PLET1: variants seen among roughly 807,000 people sequenced by gnomAD.
PLET1 encodes the protein placenta expressed transcript 1.
In PLET1, 20 loss-of-function variants were observed where a neutral mutation model predicts 18.5. The ratio of observed to expected loss-of-function variants is 1.08; its 90% confidence interval spans 0.76 to 1.57. PLET1 has a LOEUF of 1.57. Ranked by LOEUF, PLET1 falls within the 40% of genes most tolerant of loss-of-function variation. PLET1 has a pLI of 0.00. For missense variants in PLET1, 256 were observed against 246.4 expected (o/e 1.04, Z -0.26); for synonymous variants, 93 against 93.8 (o/e 0.99, Z 0.05).
chr11:112,255,125 GGT>G (rs1312083876), intron 2 of PLET1, among the ~76,000 whole-genome samples: 4 of 132,368 alleles, frequency 3.0e-5, no homozygotes, highest in East Asian at 2.3e-4. Flanking sequence ...ATGTGTGTGA[GGT>G]GTGTGGGGTG....
chr11:112,252,072 C>A (rs1443978574), intron 3 of PLET1, among the ~76,000 whole-genome samples: 2 of 152,132 alleles, frequency 1.3e-5, no homozygotes, highest in African/African-American at 4.8e-5. Flanking sequence ...GAAACAGCTC[C>A]TATGGAAGCG....
intron 3 of PLET1, 137 bp from the exon 4 acceptor site, chr11:112,249,111 C>T: frequency 1.2e-6 from 1 of 807,304 alleles, no homozygotes. Flanking sequence ...ATTCAATCAA[C>T]CCTTCTCCAG....
chr11:112,259,836 G>C (rs183838563), intron 1 of PLET1, among the ~76,000 whole-genome samples: 77 of 152,200 alleles, frequency 5.1e-4, no homozygotes, highest in Middle Eastern at 3.4e-3. Flanking sequence ...CCAGGAGTTC[G>C]AGACCAGCCT....
At chr11:112,255,707 C>T in intron 1 of PLET1, 118 bp from the exon 2 acceptor site, 1 of 836,314 alleles carries the variant, frequency 1.2e-6, no homozygotes, top group Non-Finnish European at 2.0e-6. Context: ...AGAATATGCA[C>T]ATCGAGTATA....
intron 3 of PLET1, among the ~76,000 whole-genome samples, chr11:112,251,926 C>T (rs572878343): frequency 6.6e-6 from 1 of 152,348 alleles, no homozygotes; most frequent in Admixed American, 6.5e-5. Context: ...TTGTGCAACT[C>T]CCCAGCCTCC....
At chr11:112,255,642 C>A in intron 1 of PLET1, 53 bp from the exon 2 acceptor site, 1 of 1,456,786 alleles carries the variant, frequency 6.9e-7, no homozygotes, top group Non-Finnish European at 9.4e-7. Flanking sequence ...CTGAGCCAAG[C>A]TCGAGGGATG....
intron 2 of PLET1, among the ~76,000 whole-genome samples, chr11:112,254,147 CAA>C (rs1262602681): frequency 3.3e-5 from 5 of 151,288 alleles, no homozygotes; most frequent in Non-Finnish European, 7.4e-5. Flanking sequence ...GAATATGAAA[CAA>C]AGAGGGTGCT....
At position 112,260,400 on chromosome 11, in the gene PLET1, A is replaced by T; in HGVS notation, c.184+6T>A. The T allele has an allele frequency of 6.5e-7, 1 of 1,549,304 alleles. No individual in the cohort carries two copies. The highest frequency in any genetic ancestry group is 8.7e-7 in the Non-Finnish European group (1 of 1,145,312). ...AAGGACAGCAGAGAGCATGGCTTCT[A>T]CTCACCAGAATAGACTGCATTGCTT... On this transcript the variant is annotated splice_donor_region_variant and intron_variant, in intron 1 of 3. Transcript: ENST00000338832.
intron 3 of PLET1, among the ~76,000 whole-genome samples, chr11:112,251,511 G>C (rs1182097007): frequency 6.6e-6 from 1 of 152,194 alleles, no homozygotes; most frequent in Non-Finnish European, 1.5e-5. Flanking sequence ...GGAGGCAGAA[G>C]TTGCAGTGAG....
At chr11:112,252,886 A>G (rs1259146088) in intron 2 of PLET1, among the ~76,000 whole-genome samples, 2 of 152,178 alleles carry the variant, frequency 1.3e-5, no homozygotes, top group Non-Finnish European at 2.9e-5. Flanking sequence ...CTGACATATC[A>G]TAGGTGCTTT....
chr11:112,249,617 A>ATT (rs748181070), intron 3 of PLET1, among the ~76,000 whole-genome samples: 4 of 152,140 alleles, frequency 2.6e-5, no homozygotes, highest in Non-Finnish European at 5.9e-5. Context: ...TCCTGGACAA[A>ATT]CTGGAGGTTG....
intron 3 of PLET1, among the ~76,000 whole-genome samples, chr11:112,249,673 AAGGAAG>A (rs1860134777): frequency 6.6e-6 from 1 of 152,122 alleles, no homozygotes; most frequent in South Asian, 2.1e-4. Context: ...GGAGGTCTGT[AAGGAAG>A]AGGAAGAGAC....
rs1336398981 is a variant in PLET1, at chr11:112,254,605, TGTGTGTATG to T, written c.386+774_386+782del. Among the ~76,000 whole-genome samples, 21 of 131,930 alleles carry T rather than the reference TGTGTGTATG, an allele frequency of 1.6e-4. No individual in the cohort carries two copies. In the South Asian group the frequency reaches 1.9e-3, roughly 12 times the overall value. 86.6% of individuals were successfully genotyped at this position (131,930 alleles called of 152,430 possible). A position where few individuals can be genotyped will look rare whatever the true frequency, so the allele number is the denominator to read the frequency against. On this transcript the variant is annotated intron_variant, in intron 2 of 3. Coordinates refer to ENST00000338832, the MANE Select transcript of PLET1 (RefSeq NM_001145024.1). ...ATGTGTGGCATGAGTGCGTATGGCA[TGTGTGTATG>T]GTGTGTGTGGTATGAGTGTGTGTGG...
Position 112,248,613 on chromosome 11 carries a change from C to T in PLET1, c.*186G>A. On this transcript the variant is annotated 3_prime_UTR_variant, in exon 4 of 4. Coordinates refer to ENST00000338832, the MANE Select transcript of PLET1 (RefSeq NM_001145024.1). ...TGTCCTGAAAGATCCAGATGAACAT[C>T]TATGTGACCCAAGCCTGCCAATGAG... is the stretch of plus-strand genomic sequence containing the variant. The T allele has an allele frequency of 1.6e-6, 1 of 628,114 alleles. No homozygotes were observed. 38.9% of individuals were successfully genotyped at this position (628,114 alleles called of 1,614,324 possible).
intron 1 of PLET1, 89 bp downstream of exon 1, chr11:112,260,317 T>A: frequency 8.0e-7 from 1 of 1,246,020 alleles, no homozygotes; most frequent in Non-Finnish European, 1.1e-6. Flanking sequence ...TTTGTATAAT[T>A]GAGAGTAGCG....
In PLET1 at chr11:112,248,468, T is replaced by C. The variant is rs1860122751; in HGVS notation, c.*331A>G. 2.4e-6 allele frequency: 1 copy of C among 412,176 alleles called. No homozygotes were observed. The highest frequency in any genetic ancestry group is 2.0e-5 in the African/African-American group (1 of 48,804). The allele number at this position is 412,176 out of a possible 1,614,324, so 25.5% of individuals were successfully genotyped here. ...ACTCAGAGGTTGCAGGGGAATCATT[T>C]GGCAGTGAACAAAAGTTGAGATTGG... On this transcript the variant is annotated 3_prime_UTR_variant, in exon 4 of 4. Coordinates refer to ENST00000338832, the MANE Select transcript of PLET1 (RefSeq NM_001145024.1).
At chr11:112,260,275 C>T (rs1860273213) in intron 1 of PLET1, 131 bp downstream of exon 1, 1 of 939,316 alleles carries the variant, frequency 1.1e-6, no homozygotes, top group Non-Finnish European at 1.5e-6. Context: ...TCTTCCTTCC[C>T]TTGCTTCCCA....
chr11:112,251,658 C>T (rs192474715), intron 3 of PLET1, among the ~76,000 whole-genome samples: 191 of 152,302 alleles, frequency 1.3e-3, no homozygotes, highest in Admixed American at 4.8e-3. Context: ...GGGATCCTTC[C>T]GCCTTGGCCT....
intron 1 of PLET1, among the ~76,000 whole-genome samples, chr11:112,257,802 G>GT (rs1860238759): frequency 6.6e-6 from 1 of 152,124 alleles, no homozygotes; most frequent in Non-Finnish European, 1.5e-5. Flanking sequence ...TCACCCCAAA[G>GT]TTTAAAAGAA....
Sources: allele counts gnomAD v4.1 joint callset (sites outside exome capture counted in the v4.1 genomes callset), GRCh38; gene constraint gnomAD v4.1.1; transcripts MANE v1.5; gene names NCBI Gene and HGNC (gene_info 2026-07-23, HGNC 2026-07-21).